The following SRRM4 variants were observed in gnomAD, a reference collection of about 807,000 sequenced individuals.
SRRM4 encodes serine/arginine repetitive matrix protein 4.
SRRM4 carries 33 observed loss-of-function variants against 68.9 expected under a neutral mutation model. The ratio of observed to expected loss-of-function variants is 0.48; its 90% confidence interval spans 0.36 to 0.64. The LOEUF (loss-of-function observed/expected upper bound fraction) is 0.64, where lower values mean the gene tolerates loss of function less well. SRRM4 is among the 30% of genes least tolerant of loss of function. The probability of loss-of-function intolerance (pLI) is 0.00; values close to 1 mark genes in which losing one functional copy is unlikely to be tolerated. For synonymous variants in SRRM4, 318 were observed against 318.8 expected, an observed-to-expected ratio of 1.00 and a Z score of 0.03; for missense variants, 817 against 827.1, an observed-to-expected ratio of 0.99 and a Z score of 0.15.
intron 1 of SRRM4, among the ~76,000 whole-genome samples, chr12:119,062,592 T>G (rs1400222177): frequency 6.6e-6 from 1 of 152,248 alleles, no homozygotes; most frequent in East Asian, 1.9e-4. Context: ...TTTTTAAACT[T>G]TTTTCAGCTT....
At chr12:119,022,471 T>A (rs1385904049) in intron 1 of SRRM4, among the ~76,000 whole-genome samples, 1 of 152,114 alleles carries the variant, frequency 6.6e-6, no homozygotes, top group Non-Finnish European at 1.5e-5. Context: ...GCACAAATAA[T>A]CCACAAAGCA....
intron 1 of SRRM4, among the ~76,000 whole-genome samples, chr12:119,086,154 T>A (rs1953978506): frequency 6.6e-6 from 1 of 152,206 alleles, no homozygotes; most frequent in African/African-American, 2.4e-5. Flanking sequence ...CCTGCCTGTA[T>A]GGCACATCTG....
In SRRM4 at chr12:119,128,015, G is replaced by T. The variant is rs140759616; in HGVS notation, c.614+2536G>T. The stretch of plus-strand genomic sequence containing the variant: ...CAACATTCTGATTTAATCCAGATGA[G>T]ATGAGACCAGAACAGTGAGATTTTT... On this transcript the variant is annotated intron_variant, in intron 7 of 12. Coordinates refer to ENST00000267260, the MANE Select transcript of SRRM4 (RefSeq NM_194286.4). Among the ~76,000 whole-genome samples the T allele has an allele frequency of 3.3e-5, 5 of 152,324 alleles. No individual in the cohort carries two copies. The East Asian group carries it at 9.7e-4, about 29-fold the overall frequency.
At chr12:119,113,417 T>C (rs969216120) in intron 2 of SRRM4, among the ~76,000 whole-genome samples, 6 of 152,216 alleles carry the variant, frequency 3.9e-5, no homozygotes, top group Non-Finnish European at 8.8e-5. Context: ...GCAAGTTAAT[T>C]AACCTTTCTG....
At chr12:119,062,040 T>G (rs1471188400) in intron 1 of SRRM4, among the ~76,000 whole-genome samples, 1 of 152,220 alleles carries the variant, frequency 6.6e-6, no homozygotes, top group Non-Finnish European at 1.5e-5. Flanking sequence ...CTAGATGGGA[T>G]AGCCTACTTC....
chr12:119,006,107 T>A (rs1045970543), intron 1 of SRRM4, among the ~76,000 whole-genome samples: 3 of 152,184 alleles, frequency 2.0e-5, no homozygotes, highest in Non-Finnish European at 4.4e-5. Context: ...TGCATCCCCC[T>A]TGTGCCCTGG....
At chr12:119,075,883 A>G (rs1461640678) in intron 1 of SRRM4, among the ~76,000 whole-genome samples, 43 of 85,438 alleles carry the variant, frequency 5.0e-4, no homozygotes, top group East Asian at 8.8e-4. Context: ...TGATGGTAGT[A>G]GTGATGATGA....
intron 8 of SRRM4, among the ~76,000 whole-genome samples, chr12:119,137,622 G>A (rs1045923381): frequency 3.4e-5 from 4 of 117,248 alleles, no homozygotes; most frequent in African/African-American, 1.0e-4. Flanking sequence ...GAGAGAGAGA[G>A]AGAGAGAGAG....
At chr12:119,104,475 A>C (rs1954095444) in intron 2 of SRRM4, among the ~76,000 whole-genome samples, 1 of 150,126 alleles carries the variant, frequency 6.7e-6, no homozygotes, top group Non-Finnish European at 1.5e-5. Context: ...TTATATAATA[A>C]ATTTATTATT....
chr12:119,055,918 T>C (rs1166633419), intron 1 of SRRM4, among the ~76,000 whole-genome samples: 2 of 152,218 alleles, frequency 1.3e-5, no homozygotes, highest in Non-Finnish European at 2.9e-5. Context: ...CCCTTTCTGC[T>C]TCCAGAACCC....
rs557521690 is a variant in SRRM4, at chr12:118,981,936, A to C, written c.54A>C (p.Gly18=). ...AGCTTTTTGAGAAGTTCTGGCGAGG[A>C]ACCTTCAAAGCGGTGGCCACCCCCC... ...EKQLFEKFWR[G]TFKAVATPRP... The change falls in exon 1 of 13, where the codon GGA becomes GGC. Residue 18 remains glycine, a synonymous_variant. Coordinates refer to ENST00000267260, the MANE Select transcript of SRRM4 (RefSeq NM_194286.4). 1.9e-6 allele frequency: 3 copies of C among 1,613,260 alleles called. No individual in the cohort carries two copies. The South Asian group carries it at 3.3e-5, about 18-fold the overall frequency.
At chr12:119,007,466 G>GT (rs532956486) in intron 1 of SRRM4, among the ~76,000 whole-genome samples, 1 of 151,660 alleles carries the variant, frequency 6.6e-6, no homozygotes, top group East Asian at 1.9e-4. Context: ...TGTTGGACAT[G>GT]TTTTTTTTAT....
intron 1 of SRRM4, among the ~76,000 whole-genome samples, chr12:119,003,200 C>A (rs1349052164): frequency 6.6e-6 from 1 of 151,788 alleles, no homozygotes; most frequent in Non-Finnish European, 1.5e-5. Context: ...GGGCTGCAAC[C>A]TATGTTCGAA....
chr12:119,074,591 A>G (rs994597119), intron 1 of SRRM4, among the ~76,000 whole-genome samples: 3 of 152,214 alleles, frequency 2.0e-5, no homozygotes. Flanking sequence ...CTCTGGCTCT[A>G]TATTAGAATA....
chr12:119,018,267 G>A (rs1214540934), intron 1 of SRRM4, among the ~76,000 whole-genome samples: 8 of 152,152 alleles, frequency 5.3e-5, no homozygotes, highest in Admixed American at 5.2e-4. Context: ...GGTGATTGGT[G>A]GAAGAAAAGG....
chr12:119,025,466 C>T (rs1296208779), intron 1 of SRRM4, among the ~76,000 whole-genome samples: 1 of 151,716 alleles, frequency 6.6e-6, no homozygotes, highest in African/African-American at 2.4e-5. Flanking sequence ...GTTCTTGAGA[C>T]TGAGTTTCAC....
At chr12:119,047,379 G>A (rs1953714390) in intron 1 of SRRM4, among the ~76,000 whole-genome samples, 1 of 151,824 alleles carries the variant, frequency 6.6e-6, no homozygotes, top group African/African-American at 2.4e-5. Flanking sequence ...GTGGTGCTTG[G>A]TTCCATAAAT....
chr12:119,144,897 T>G (rs1258509037), intron 8 of SRRM4, among the ~76,000 whole-genome samples: 1 of 152,238 alleles, frequency 6.6e-6, no homozygotes, highest in African/African-American at 2.4e-5. Context: ...TTAAATTAAT[T>G]GAGGATTTGG....
Position 118,997,414 on chromosome 12 carries a change from C to T in SRRM4, c.131+15401C>T, listed in dbSNP as rs114156733. Reference sequence around the variant, plus strand: ...CAGTCCACACACGTTACTGTGGACGCGTCCATCATCCCTGCCATGTGGCAC... The same window carrying T: ...CAGTCCACACACGTTACTGTGGACGTGTCCATCATCCCTGCCATGTGGCAC... On this transcript the variant is annotated intron_variant, in intron 1 of 12. Transcript: ENST00000267260. 3.0e-3 allele frequency among the ~76,000 whole-genome samples: 454 copies of T among 152,310 alleles called. 2 individuals carry two copies. Among genetic ancestry groups the T allele is most frequent in the African/African-American group, 9.8e-3 (408 of 41,562 alleles).
Sources: allele counts gnomAD v4.1 joint callset (sites outside exome capture counted in the v4.1 genomes callset), GRCh38; gene constraint gnomAD v4.1.1; transcripts MANE v1.5; gene names NCBI Gene and HGNC (gene_info 2026-07-23, HGNC 2026-07-21).